CYP7B1: variants seen among roughly 807,000 people sequenced by gnomAD.
CYP7B1 encodes the protein cytochrome P450 7B1.
In CYP7B1, 29 loss-of-function variants were observed where a neutral mutation model predicts 42.7. The observed-to-expected ratio is 0.68, with a 90% confidence interval of 0.51 to 0.93. The LOEUF (loss-of-function observed/expected upper bound fraction) is 0.93, where lower values mean the gene tolerates loss of function less well. CYP7B1 is among the 40% of genes least tolerant of loss of function. The pLI is 0.00. For synonymous variants in CYP7B1, 235 were observed against 218.2 expected (o/e 1.08, Z -0.68); for missense variants, 655 against 600.5 (o/e 1.09, Z -0.95).
intron 1 of CYP7B1, among the ~76,000 whole-genome samples, chr8:64,790,738 TAAG>T (rs1804604391): frequency 6.6e-6 from 1 of 152,168 alleles, no homozygotes; most frequent in African/African-American, 2.4e-5. Context: ...TAGACTCACA[TAAG>T]AAGAATCTAT....
chr8:64,791,236 G>T (rs536263063), intron 1 of CYP7B1, among the ~76,000 whole-genome samples: 1 of 152,260 alleles, frequency 6.6e-6, no homozygotes, highest in Admixed American at 6.5e-5. Flanking sequence ...AACTATTACA[G>T]GTGACTATCA....
Position 64,615,791 on chromosome 8 carries a change from T to A in CYP7B1, c.750A>T (p.Ser250=). 6.2e-7 allele frequency: 1 copy of A among 1,613,828 alleles called. No individual in the cohort carries two copies. The highest frequency in any genetic ancestry group is 8.5e-7 in the Non-Finnish European group (1 of 1,179,778). ...CTTGCATCTTGGCTAACTTTTCTGA[T>A]GAGAAGCATTTTATAATTTTCTCTC... is the stretch of plus-strand genomic sequence containing the variant. The part of the protein sequence containing the change: ...SIREKIIKCF[S]SEKLAKMQGW... Residue 250 remains serine, a synonymous_variant, in exon 3 of 6, where the codon TCA becomes TCT. Transcript: ENST00000310193.
At chr8:64,762,702 C>A (rs542549398) in intron 1 of CYP7B1, among the ~76,000 whole-genome samples, 117 of 152,306 alleles carry the variant, frequency 7.7e-4, no homozygotes, top group African/African-American at 2.7e-3. Context: ...CCATTATTCA[C>A]ATAAAAGTTC....
At chr8:64,733,644 G>A (rs1241651687) in intron 1 of CYP7B1, among the ~76,000 whole-genome samples, 5 of 152,110 alleles carry the variant, frequency 3.3e-5, no homozygotes, top group Admixed American at 1.3e-4. Context: ...GAAGGTACTT[G>A]GAAATTTCTA....
intron 1 of CYP7B1, chr8:64,703,678 C>CT (rs1334553652): frequency 1.3e-5 from 2 of 151,982 alleles, no homozygotes; most frequent in African/African-American, 4.8e-5. Flanking sequence ...AGAAAACAAA[C>CT]TGACACGTGA....
intron 2 of CYP7B1, among the ~76,000 whole-genome samples, chr8:64,623,725 A>C (rs1253107498): frequency 6.6e-6 from 1 of 152,176 alleles, no homozygotes; most frequent in Non-Finnish European, 1.5e-5. Flanking sequence ...TAAAATGAAA[A>C]ATACATTCTT....
chr8:64,606,148 G>A (rs1221762360), intron 4 of CYP7B1, among the ~76,000 whole-genome samples: 5 of 152,172 alleles, frequency 3.3e-5, no homozygotes, highest in Non-Finnish European at 7.3e-5. Flanking sequence ...GACGTACAGT[G>A]AGGCAGTGCA....
chr8:64,662,764 C>A (rs1327699305), intron 1 of CYP7B1, among the ~76,000 whole-genome samples: 1 of 151,854 alleles, frequency 6.6e-6, no homozygotes, highest in Non-Finnish European at 1.5e-5. Flanking sequence ...ATGTGCTTTT[C>A]ACTATGGTAG....
chr8:64,759,887 A>AAAG (rs1807860535), intron 1 of CYP7B1, among the ~76,000 whole-genome samples: 1 of 152,198 alleles, frequency 6.6e-6, no homozygotes, highest in Non-Finnish European at 1.5e-5. Flanking sequence ...AGAAAAAAAT[A>AAAG]TACAAAAGTT....
intron 1 of CYP7B1, among the ~76,000 whole-genome samples, chr8:64,670,377 A>T (rs1563384348): frequency 6.6e-6 from 1 of 152,148 alleles, no homozygotes; most frequent in Non-Finnish European, 1.5e-5. Flanking sequence ...TTTTTATAAA[A>T]TTTTTATAAT....
At position 64,685,746 on chromosome 8, in the gene CYP7B1, C is replaced by T. The variant is rs868831214; in HGVS notation, c.123-61207G>A. ...CTGGGAAGTGAGGAGCGTCTCCGCC[C>T]GGCAGCCACCCCATCCGGGAGGGAG... On this transcript the variant is annotated intron_variant, in intron 1 of 5. Coordinates refer to ENST00000310193, the MANE Select transcript of CYP7B1 (RefSeq NM_004820.5). Among the ~76,000 whole-genome samples the T allele has an allele frequency of 2.4e-3, 137 of 57,748 alleles. 37 individuals carry two copies. In the Middle Eastern group the frequency reaches 0.044, roughly 19 times the overall value. 37.9% of individuals were successfully genotyped at this position (57,748 alleles called of 152,430 possible). A position where few individuals can be genotyped will look rare whatever the true frequency, so the allele number is the denominator to read the frequency against.
intron 4 of CYP7B1, among the ~76,000 whole-genome samples, chr8:64,607,922 C>T (rs753412355): frequency 5.3e-5 from 8 of 152,118 alleles, no homozygotes; most frequent in Non-Finnish European, 1.2e-4. Flanking sequence ...TTACACCAGG[C>T]ACTGCAAGCT....
At chr8:64,642,989 A>G (rs1805879980) in intron 1 of CYP7B1, among the ~76,000 whole-genome samples, 1 of 151,744 alleles carries the variant, frequency 6.6e-6, no homozygotes, top group Admixed American at 6.6e-5. Flanking sequence ...CCTCCCAGTC[A>G]TAGAAGATCC....
intron 1 of CYP7B1, among the ~76,000 whole-genome samples, chr8:64,647,864 T>G (rs1228094010): frequency 6.6e-6 from 1 of 152,116 alleles, no homozygotes; most frequent in Non-Finnish European, 1.5e-5. Context: ...GAAATAATAT[T>G]TAATCTGGGT....
chr8:64,767,910 T>G (rs1804134027), intron 1 of CYP7B1, among the ~76,000 whole-genome samples: 1 of 152,070 alleles, frequency 6.6e-6, no homozygotes, highest in South Asian at 2.1e-4. Flanking sequence ...ATTGAAGGCA[T>G]CCCTCCCGAG....
rs572853313 is a variant in CYP7B1 at position 64,646,292 on chromosome 8, C to T, written c.123-21753G>A. ...ACAAAATGGGAGAAAATTTTCGCAA[C>T]CTACTCATCTGACAAAGGGCTAATA... On this transcript the variant is annotated intron_variant, in intron 1 of 5. Transcript: ENST00000310193. Among the ~76,000 whole-genome samples the T allele has an allele frequency of 2.7e-5, 4 of 150,730 alleles. No homozygotes were observed. The East Asian group carries it at 7.8e-4, about 29-fold the overall frequency.
At chr8:64,773,432 A>C (rs969290951) in intron 1 of CYP7B1, among the ~76,000 whole-genome samples, 1 of 152,234 alleles carries the variant, frequency 6.6e-6, no homozygotes, top group Admixed American at 6.5e-5. Context: ...AAAAAATCCA[A>C]AGTAAAATAT....
chr8:64,686,837 C>A (rs1228538753), intron 1 of CYP7B1, among the ~76,000 whole-genome samples: 1 of 66,492 alleles, frequency 1.5e-5, no homozygotes, highest in African/African-American at 6.8e-5. Context: ...ACCCCCAACC[C>A]TGTGTTCTCT....
Position 64,798,457 on chromosome 8 carries a change from G to A in CYP7B1, c.122+9C>T, listed in dbSNP as rs968898541. On this transcript the variant is annotated intron_variant, in intron 1 of 5. Coordinates refer to ENST00000310193, the MANE Select transcript of CYP7B1 (RefSeq NM_004820.5). ...GGCGCATGCGTGGCCTGGCGGCCGA[G>A]GCGCTTACCTGGTGCGCCGGACAAG... 125 of 1,510,044 alleles carry A rather than the reference G, an allele frequency of 8.3e-5. No individual in the cohort carries two copies. The highest frequency in any genetic ancestry group is 1.7e-4 in the Admixed American group (8 of 47,566). The allele number at this position is 1,510,044 out of a possible 1,614,324, so 93.5% of individuals were successfully genotyped here.
Sources: allele counts gnomAD v4.1 joint callset (sites outside exome capture counted in the v4.1 genomes callset), GRCh38; gene constraint gnomAD v4.1.1; transcripts MANE v1.5; gene names NCBI Gene and HGNC (gene_info 2026-07-23, HGNC 2026-07-21).